The following NCAM1 variants were observed in gnomAD, a reference collection of about 807,000 sequenced individuals.
NCAM1 encodes the protein neural cell adhesion molecule 1, also known as antigen recognized by monoclonal antibody 5.1H11.
Under a neutral mutation model 109.8 loss-of-function variants are expected in NCAM1, and 14 were observed. The observed-to-expected ratio is 0.13, with a 90% CI of 0.08 to 0.20. The LOEUF is 0.20. Among genes scored for constraint, NCAM1 ranks in the 10% least tolerant of loss-of-function variants. The probability of loss-of-function intolerance (pLI) is 1.00; values close to 1 mark genes in which losing one functional copy is unlikely to be tolerated. For synonymous variants in NCAM1, 418 were observed against 442.9 expected (o/e 0.94, Z 0.70); for missense variants, 774 against 1,109.9 (o/e 0.70, Z 4.30).
Position 113,100,620 on chromosome 11 carries a change from C to T in NCAM1, c.53-101759C>T, listed in dbSNP as rs144545998. On this transcript the variant is annotated intron_variant, in intron 1 of 19. Coordinates refer to ENST00000316851, the MANE Select transcript of NCAM1 (RefSeq NM_181351.5). ...AGTTTGGGATAGCTGAACTCCTTTC[C>T]GTTCAGCTGCCTCTTTGACATTCAA... Among the ~76,000 whole-genome samples, 1,131 of 152,190 alleles carry T rather than the reference C, an allele frequency of 7.4e-3. 12 individuals are homozygous for T. Among genetic ancestry groups the T allele is most frequent in the Non-Finnish European group, 0.014 (922 of 68,008 alleles).
intron 1 of NCAM1, among the ~76,000 whole-genome samples, chr11:113,091,293 C>T (rs1016540965): frequency 1.1e-4 from 16 of 152,022 alleles, no homozygotes; most frequent in Non-Finnish European, 1.8e-4. Context: ...AGCTCAGTGG[C>T]TCCCTGCTCC....
At chr11:113,002,307 A>T (rs1951775581) in intron 1 of NCAM1, among the ~76,000 whole-genome samples, 2 of 152,208 alleles carry the variant, frequency 1.3e-5, no homozygotes, top group Admixed American at 6.5e-5. Context: ...TTCTAGGGAA[A>T]CTTCAGAGAG....
At chr11:113,129,421 GGT>G (rs1369802025) in intron 1 of NCAM1, among the ~76,000 whole-genome samples, 2 of 152,012 alleles carry the variant, frequency 1.3e-5, no homozygotes, top group Non-Finnish European at 2.9e-5. Flanking sequence ...ATTCTTTTTG[GGT>G]GTGTTTCCTA....
intron 1 of NCAM1, among the ~76,000 whole-genome samples, chr11:113,181,492 G>A (rs1340946170): frequency 3.3e-5 from 5 of 152,148 alleles, no homozygotes; most frequent in African/African-American, 7.2e-5. Flanking sequence ...CATGGGATGC[G>A]GAACAACACA....
chr11:113,168,341 C>T (rs955975733), intron 1 of NCAM1, among the ~76,000 whole-genome samples: 5 of 152,122 alleles, frequency 3.3e-5, no homozygotes, highest in South Asian at 4.2e-4. Flanking sequence ...TTTGTGAACA[C>T]GGCTTTGGAA....
chr11:113,055,239 G>A (rs1953651073), intron 1 of NCAM1, among the ~76,000 whole-genome samples: 1 of 152,088 alleles, frequency 6.6e-6, no homozygotes, highest in Admixed American at 6.6e-5. Context: ...AAATTATTAA[G>A]ATATATTTAA....
intron 8 of NCAM1, among the ~76,000 whole-genome samples, chr11:113,220,159 C>T (rs1411350894): frequency 1.3e-5 from 2 of 152,124 alleles, no homozygotes; most frequent in African/African-American, 4.8e-5. Context: ...AACAGATAAA[C>T]TGTAAGGAGA....
chr11:113,249,771 C>T (rs1468772073), intron 15 of NCAM1, among the ~76,000 whole-genome samples: 3 of 152,136 alleles, frequency 2.0e-5, no homozygotes, highest in Admixed American at 1.3e-4. Flanking sequence ...ATGACACCTG[C>T]GAGAAGGGAA....
intron 8 of NCAM1, among the ~76,000 whole-genome samples, chr11:113,219,058 ATGCCTCTTTGAACATC>A (rs1343253399): frequency 6.6e-6 from 1 of 152,208 alleles, no homozygotes. Context: ...AATCCATCAT[ATGCCTCTTTGAACATC>A]TCTATGCCTT....
intron 1 of NCAM1, among the ~76,000 whole-genome samples, chr11:113,064,904 A>G (rs1937875676): frequency 6.6e-6 from 1 of 152,226 alleles, no homozygotes. Context: ...GTGTATATAC[A>G]CAGGTTAGTA....
At chr11:113,188,069 T>A (rs1249963183) in intron 1 of NCAM1, among the ~76,000 whole-genome samples, 1 of 152,198 alleles carries the variant, frequency 6.6e-6, no homozygotes, top group Admixed American at 6.5e-5. Context: ...TTGCTGCTGT[T>A]GGGTGTGGAG....
Position 113,071,150 on chromosome 11 carries a change from A to G in NCAM1, c.52+109486A>G, listed in dbSNP as rs535093034. On this transcript the variant is annotated intron_variant, in intron 1 of 19. Transcript: ENST00000316851. ...AAAAAGGACAGGAAGAGGAATCCCA[A>G]TAGATGACAGGTGTTGGTATGACTG... 1.2e-4 allele frequency among the ~76,000 whole-genome samples: 18 copies of G among 152,306 alleles called. 1 individual carries two copies. The highest frequency in any genetic ancestry group is 6.8e-3 in the Middle Eastern group (2 of 294).
intron 17 of NCAM1, chr11:113,263,705 G>A (rs193047004): frequency 1.2e-5 from 12 of 985,548 alleles, no homozygotes; most frequent in African/African-American, 1.0e-4. Flanking sequence ...GCAGCATGTC[G>A]CAGATCAGCA....
chr11:113,058,945 T>A (rs1391783301), intron 1 of NCAM1, among the ~76,000 whole-genome samples: 1 of 152,234 alleles, frequency 6.6e-6, no homozygotes, highest in East Asian at 1.9e-4. Flanking sequence ...CTTTTATATC[T>A]GTTATTGGCT....
chr11:113,204,299 C>T lies in NCAM1; in HGVS notation c.141C>T (p.Ala47=), dbSNP rs1944166318. ...KFFLCQVAGD[A]KDKDISWFSP... Reference sequence around the variant, plus strand: ...CTTCCTCTTTAGTGGCAGGAGATGCCAAAGATAAAGACATCTCCTGGTTCT... The same window carrying T: ...CTTCCTCTTTAGTGGCAGGAGATGCTAAAGATAAAGACATCTCCTGGTTCT... The change falls in exon 3 of 20, where the codon GCC becomes GCT. Residue 47 remains alanine (A), a synonymous_variant. Transcript: ENST00000316851. The T allele has an allele frequency of 1.2e-6, 2 of 1,611,512 alleles. No homozygotes were observed. Among genetic ancestry groups the T allele is most frequent in the African/African-American group, 2.7e-5 (2 of 74,848 alleles).
rs1555115261 is a variant in NCAM1 at position 113,221,292 on chromosome 11, C to A, written c.1060-4C>A. On this transcript the variant is annotated splice_region_variant and splice_polypyrimidine_tract_variant and intron_variant, in intron 8 of 19. Transcript: ENST00000316851. ...TGTTGTGTTTTATATCTTGTTTTCT[C>A]CAGGCTTCGTGGACTCGACCAGAGA... The A allele has an allele frequency of 6.4e-7, 1 of 1,561,516 alleles. No individual in the cohort carries two copies. The highest frequency in any genetic ancestry group is 2.4e-5 in the East Asian group (1 of 42,492).
At chr11:113,114,753 C>G (rs1490943799) in intron 1 of NCAM1, among the ~76,000 whole-genome samples, 1 of 152,192 alleles carries the variant, frequency 6.6e-6, no homozygotes, top group East Asian at 1.9e-4. Context: ...GCAGTCATAA[C>G]CTTTTACTCA....
chr11:113,229,460 T>C (rs1360723266), intron 9 of NCAM1, among the ~76,000 whole-genome samples: 5 of 152,084 alleles, frequency 3.3e-5, no homozygotes, highest in East Asian at 1.9e-4. Context: ...TGTGGAGAAA[T>C]AGGAACACTT....
chr11:113,154,465 CCT>C (rs1264436734), intron 1 of NCAM1, among the ~76,000 whole-genome samples: 1 of 151,978 alleles, frequency 6.6e-6, no homozygotes, highest in Non-Finnish European at 1.5e-5. Flanking sequence ...AAGAAAAGCC[CCT>C]TTTTCTGAAA....
Sources: gnomAD v4.1 joint callset for allele counts (sites outside exome capture counted in the v4.1 genomes callset) on GRCh38, gnomAD v4.1.1 for gene constraint, MANE v1.5 for transcripts, NCBI Gene and HGNC (gene_info 2026-07-23, HGNC 2026-07-21) for gene names.